The following GPC5 variants were observed in gnomAD, a reference collection of about 807,000 sequenced individuals.
GPC5 encodes glypican 5.
Under a neutral mutation model 53.9 loss-of-function variants are expected in GPC5, and 47 were observed. The ratio of observed to expected loss-of-function variants is 0.87; its 90% CI spans 0.69 to 1.11. The LOEUF is 1.11. GPC5 is among the 50% of genes most tolerant of loss of function. The probability of loss-of-function intolerance (pLI) is 0.00; values close to 1 mark genes in which losing one functional copy is unlikely to be tolerated. For missense variants in GPC5, 748 were observed against 713.1 expected (o/e 1.05, Z -0.56); for synonymous variants, 286 against 263.3 (o/e 1.09, Z -0.84).
intron 5 of GPC5, among the ~76,000 whole-genome samples, chr13:91,906,259 C>T (rs770688540): frequency 3.9e-5 from 6 of 151,992 alleles, no homozygotes; most frequent in Non-Finnish European, 7.4e-5. Context: ...CTGAAGTTCT[C>T]GTTAACCATA....
rs1399079787 is a variant in GPC5, at chr13:92,546,491, C to T, written c.1562-319791C>T. Reference sequence around the variant, plus strand: ...GGAAGGACCTCTTCAAGGAGAACTACAGACTACTGCTCAATGAAATAAAAA... The same window carrying T: ...GGAAGGACCTCTTCAAGGAGAACTATAGACTACTGCTCAATGAAATAAAAA... On this transcript the variant is annotated intron_variant, in intron 7 of 7. Transcript: ENST00000377067. Among the ~76,000 whole-genome samples, 3 of 152,252 alleles carry T rather than the reference C, an allele frequency of 2.0e-5. No homozygotes were observed. In the East Asian group the frequency reaches 5.8e-4, roughly 29 times the overall value.
chr13:91,885,581 C>G (rs1373840875), intron 5 of GPC5, among the ~76,000 whole-genome samples: 1 of 152,122 alleles, frequency 6.6e-6, no homozygotes, highest in African/African-American at 2.4e-5. Context: ...TCTGGCATAC[C>G]CATCTGCCTG....
chr13:91,413,058 G>A (rs916925013), intron 1 of GPC5, among the ~76,000 whole-genome samples: 3 of 152,194 alleles, frequency 2.0e-5, no homozygotes, highest in Non-Finnish European at 2.9e-5. Flanking sequence ...AAGGCAGGAG[G>A]ATTTCTTGAG....
chr13:91,424,939 C>A (rs1878935446), intron 1 of GPC5, among the ~76,000 whole-genome samples: 1 of 152,100 alleles, frequency 6.6e-6, no homozygotes, highest in Non-Finnish European at 1.5e-5. Flanking sequence ...ATTTTGGGGA[C>A]TTAGTTAAAC....
At chr13:92,500,123 A>G (rs1315765643) in intron 7 of GPC5, among the ~76,000 whole-genome samples, 1 of 152,184 alleles carries the variant, frequency 6.6e-6, no homozygotes, top group Non-Finnish European at 1.5e-5. Context: ...CATGGACATA[A>G]GGAACACCAG....
chr13:92,778,346 T>C (rs190921006), intron 7 of GPC5, among the ~76,000 whole-genome samples: 1 of 152,316 alleles, frequency 6.6e-6, no homozygotes, highest in East Asian at 1.9e-4. Flanking sequence ...TGTGCCATTA[T>C]TCTAAGGAGA....
intron 5 of GPC5, among the ~76,000 whole-genome samples, chr13:91,907,436 T>C (rs1566335167): frequency 6.9e-6 from 1 of 145,764 alleles, no homozygotes; most frequent in East Asian, 2.0e-4. Flanking sequence ...TAATATATAT[T>C]ATATATACAA....
intron 7 of GPC5, among the ~76,000 whole-genome samples, chr13:92,362,143 C>T (rs1044421268): frequency 6.6e-6 from 1 of 151,488 alleles, no homozygotes; most frequent in Non-Finnish European, 1.5e-5. Flanking sequence ...TCTCATTTAC[C>T]CAGTGAAAGT....
At chr13:92,845,604 G>A (rs1190327402) in intron 7 of GPC5, among the ~76,000 whole-genome samples, 1 of 152,090 alleles carries the variant, frequency 6.6e-6, no homozygotes, top group African/African-American at 2.4e-5. Flanking sequence ...CTACTAACAT[G>A]TTAATCTTAT....
At chr13:92,746,707 C>T (rs1032101447) in intron 7 of GPC5, among the ~76,000 whole-genome samples, 4 of 152,080 alleles carry the variant, frequency 2.6e-5, no homozygotes, top group African/African-American at 9.7e-5. Context: ...AACACAATAT[C>T]CTGATGTGGG....
intron 7 of GPC5, among the ~76,000 whole-genome samples, chr13:92,376,998 G>T (rs776167642): frequency 6.6e-6 from 1 of 150,964 alleles, no homozygotes. Flanking sequence ...CTGGGTGACC[G>T]AGTGCAACTC....
In GPC5 at chr13:91,571,838, CTT is replaced by C. The variant is rs1491026970; in HGVS notation, c.326-121348_326-121347del. 1.1e-3 allele frequency among the ~76,000 whole-genome samples: 65 copies of C among 61,564 alleles called. 6 individuals carry two copies. The highest frequency in any genetic ancestry group is 0.012 in the Middle Eastern group (1 of 82). The allele number at this position is 61,564 out of a possible 152,430, so 40.4% of individuals were successfully genotyped here. A position where few individuals can be genotyped will look rare whatever the true frequency, so the allele number is the denominator to read the frequency against. ...ACGTGTGTGTATATATACACATATA[CTT>C]GTGTGTATATACACATATACGTGTG... On this transcript the variant is annotated intron_variant, in intron 2 of 7. Transcript: ENST00000377067.
intron 4 of GPC5, among the ~76,000 whole-genome samples, chr13:91,733,320 A>T (rs1213408356): frequency 6.6e-6 from 1 of 152,082 alleles, no homozygotes; most frequent in Non-Finnish European, 1.5e-5. Flanking sequence ...TTTTTAGTAG[A>T]GATGGGGTTT....
chr13:91,873,960 G>T (rs1566315910), intron 5 of GPC5, among the ~76,000 whole-genome samples: 1 of 152,138 alleles, frequency 6.6e-6, no homozygotes, highest in Non-Finnish European at 1.5e-5. Flanking sequence ...GGGGTCACAG[G>T]CATGATCCAC....
intron 2 of GPC5, among the ~76,000 whole-genome samples, chr13:91,504,411 G>A (rs181477722): frequency 5.3e-5 from 8 of 151,718 alleles, no homozygotes; most frequent in African/African-American, 1.7e-4. Context: ...TAATATTTTG[G>A]ATAAATATAT....
intron 7 of GPC5, among the ~76,000 whole-genome samples, chr13:92,149,899 T>C (rs7992380): frequency 0.3 from 45,510 of 151,758 alleles, 7,866 homozygotes; most frequent in South Asian, 0.59. Context: ...CAATATGAGT[T>C]CAAACACATA....
At chr13:92,349,226 C>T (rs965932455) in intron 7 of GPC5, among the ~76,000 whole-genome samples, 1 of 152,170 alleles carries the variant, frequency 6.6e-6, no homozygotes, top group Non-Finnish European at 1.5e-5. Flanking sequence ...TCACTGCAAC[C>T]TCCACCTCCC....
At chr13:91,969,068 A>G (rs2040216390) in intron 6 of GPC5, among the ~76,000 whole-genome samples, 1 of 152,180 alleles carries the variant, frequency 6.6e-6, no homozygotes, top group East Asian at 1.9e-4. Context: ...TCCCAGGTTC[A>G]AGCGATTCTC....
At chr13:92,812,497 A>G (rs1291973837) in intron 7 of GPC5, among the ~76,000 whole-genome samples, 2 of 151,928 alleles carry the variant, frequency 1.3e-5, no homozygotes, top group East Asian at 3.9e-4. Context: ...AAGCTTTTAT[A>G]AGTAAAAACA....
Sources: gnomAD v4.1 joint callset for allele counts (sites outside exome capture counted in the v4.1 genomes callset) on GRCh38, gnomAD v4.1.1 for gene constraint, MANE v1.5 for transcripts, NCBI Gene and HGNC (gene_info 2026-07-23, HGNC 2026-07-21) for gene names.